Variants in MAST4 observed in about 807,000 individuals in gnomAD.
The protein encoded by MAST4 is microtubule associated serine/threonine kinase family member 4, also known as microtubule-associated serine/threonine-protein kinase 4.
MAST4 carries 89 observed loss-of-function variants against 162.7 expected under a neutral mutation model. That is an observed-to-expected ratio of 0.55 (90% CI 0.46 to 0.65). The LOEUF is 0.65. MAST4 is among the 30% of genes least tolerant of loss of function. The pLI is 0.00. For missense variants in MAST4, 3,153 were observed against 3,374.0 expected (o/e 0.93, Z 1.62); for synonymous variants, 1,479 against 1,361.1 (o/e 1.09, Z -1.91).
chr5:66,630,598 A>G (rs1242883390), intron 1 of MAST4, among the ~76,000 whole-genome samples: 2 of 152,172 alleles, frequency 1.3e-5, no homozygotes, highest in Non-Finnish European at 1.5e-5. Flanking sequence ...TTCACATATT[A>G]TATATATTAT....
At chr5:66,728,113 C>T (rs1181743856) in intron 1 of MAST4, among the ~76,000 whole-genome samples, 1 of 152,118 alleles carries the variant, frequency 6.6e-6, no homozygotes, top group Non-Finnish European at 1.5e-5. Flanking sequence ...GTCTGAGGCA[C>T]AGGAAACATT....
Position 66,666,723 on chromosome 5 carries a change from G to A in MAST4, c.363+69705G>A, listed in dbSNP as rs368464272. Among the ~76,000 whole-genome samples the A allele has an allele frequency of 2.0e-5, 3 of 152,282 alleles. No homozygotes were observed. The East Asian group carries it at 5.8e-4, about 29-fold the overall frequency. ...TGATACTGAAGCCCCTATAATTCAT[G>A]CAGCTGTGACTTTATCGTTTTAAAT... On this transcript the variant is annotated intron_variant, in intron 1 of 28. Coordinates refer to ENST00000403625, the MANE Select transcript of MAST4 (RefSeq NM_001164664.2).
rs1042928873 is a variant in MAST4, at chr5:67,163,050, T to TCA, written c.3968-96_3968-95insAC. On this transcript the variant is annotated intron_variant, in intron 28 of 28. Transcript: ENST00000403625. This position sits in a 1 kb window ranked among gnomAD's most constrained non-coding sequence, Gnocchi z 7.0. ...GCTAAATGCTGAGACAATTTGCTGA[T>TCA]CTTACCTGGCCTTACCTAATACAGT... 7 of 1,366,254 alleles carry TCA rather than the reference T, an allele frequency of 5.1e-6. No individual in the cohort carries two copies. In the Admixed American group the frequency reaches 6.7e-5, roughly 13 times the overall value. 84.6% of individuals were successfully genotyped at this position (1,366,254 alleles called of 1,614,324 possible).
intron 4 of MAST4, among the ~76,000 whole-genome samples, chr5:67,038,209 C>T (rs895900840): frequency 6.7e-6 from 1 of 149,652 alleles, no homozygotes; most frequent in Non-Finnish European, 1.5e-5. Flanking sequence ...ATTTTATATG[C>T]TGCTTTATCT....
intron 4 of MAST4, among the ~76,000 whole-genome samples, chr5:67,032,011 T>G (rs1235094654): frequency 6.6e-6 from 1 of 152,156 alleles, no homozygotes; most frequent in Non-Finnish European, 1.5e-5. Flanking sequence ...GTTGAAGGGG[T>G]GCTTATTTGT....
intron 4 of MAST4, among the ~76,000 whole-genome samples, chr5:66,905,326 AAATG>A (rs1250784648): frequency 1.8e-4 from 24 of 137,068 alleles, no homozygotes; most frequent in African/African-American, 4.9e-4. Context: ...AAAAAAAAAA[AAATG>A]GGATATCCAG....
At chr5:67,078,889 TATATTTATATATTTTTATATAA>T (rs1762118439) in intron 5 of MAST4, among the ~76,000 whole-genome samples, 1 of 92,098 alleles carries the variant, frequency 1.1e-5, no homozygotes, top group African/African-American at 4.7e-5. Context: ...AATATATTTA[TATATTTATATATTTTTATATAA>T]ATATATATAT....
chr5:66,669,418 C>T (rs973631321), intron 1 of MAST4, among the ~76,000 whole-genome samples: 2 of 152,218 alleles, frequency 1.3e-5, no homozygotes, highest in Non-Finnish European at 2.9e-5. Context: ...TGCAACACTG[C>T]ATGGGTAAAA....
chr5:67,089,265 G>A (rs902499532), intron 5 of MAST4, among the ~76,000 whole-genome samples: 4 of 152,184 alleles, frequency 2.6e-5, no homozygotes, highest in Non-Finnish European at 5.9e-5. Flanking sequence ...GCAGAGGGAA[G>A]CAGGGTGGTC....
At chr5:66,960,885 C>T (rs188221003) in intron 4 of MAST4, among the ~76,000 whole-genome samples, 1 of 152,106 alleles carries the variant, frequency 6.6e-6, no homozygotes, top group Non-Finnish European at 1.5e-5. Flanking sequence ...ACCTTGCCAG[C>T]GTCGACACAG....
At position 66,733,614 on chromosome 5, in the gene MAST4, C is replaced by T. The variant is rs532210033; in HGVS notation, c.364-26095C>T. On this transcript the variant is annotated intron_variant, in intron 1 of 28. Transcript: ENST00000403625. ...TGGGGATTACAGGCGCCCGCCACCACGCCCAGATAAGTTTTTGTATTTTTA... is the reference window on the plus strand; with the variant it reads ...TGGGGATTACAGGCGCCCGCCACCATGCCCAGATAAGTTTTTGTATTTTTA... 3.9e-5 allele frequency among the ~76,000 whole-genome samples: 6 copies of T among 152,182 alleles called. No individual in the cohort carries two copies. In the East Asian group the frequency reaches 7.8e-4, roughly 20 times the overall value.
chr5:66,667,387 G>A (rs1747329292), intron 1 of MAST4, among the ~76,000 whole-genome samples: 1 of 152,088 alleles, frequency 6.6e-6, no homozygotes, highest in Middle Eastern at 3.2e-3. Context: ...GTAACTGTTG[G>A]TATCTTGTTC....
At chr5:66,948,520 C>T (rs557717376) in intron 4 of MAST4, among the ~76,000 whole-genome samples, 130 of 152,158 alleles carry the variant, frequency 8.5e-4, no homozygotes, top group African/African-American at 3.0e-3. Context: ...CAGCAAAGTC[C>T]CTCAGCCTGT....
At chr5:67,151,807 G>A (rs1290137481) in intron 24 of MAST4, among the ~76,000 whole-genome samples, 16 of 125,602 alleles carry the variant, frequency 1.3e-4, no homozygotes, top group South Asian at 4.8e-4. Context: ...TTGCTCTGTC[G>A]CCTAGGCTGG....
At chr5:67,078,739 A>AATATATATTATATTTATCTAAAT (rs1762022243) in intron 5 of MAST4, among the ~76,000 whole-genome samples, 1 of 116,900 alleles carries the variant, frequency 8.6e-6, no homozygotes, top group African/African-American at 3.7e-5. Context: ...TATTTATCTA[A>AATATATATTATATTTATCTAAAT]ATATATATTT....
chr5:66,721,023 C>T (rs1751170454), intron 1 of MAST4, among the ~76,000 whole-genome samples: 1 of 152,130 alleles, frequency 6.6e-6, no homozygotes, highest in Admixed American at 6.5e-5. Context: ...AGAGCCAGTC[C>T]TTTCCTGTTC....
intron 5 of MAST4, among the ~76,000 whole-genome samples, chr5:67,072,714 C>T (rs998739912): frequency 6.6e-6 from 1 of 152,158 alleles, no homozygotes; most frequent in Non-Finnish European, 1.5e-5. Flanking sequence ...ATATTACCAA[C>T]TATGACAAGT....
chr5:66,915,269 A>G (rs929364619), intron 4 of MAST4, among the ~76,000 whole-genome samples: 6 of 146,450 alleles, frequency 4.1e-5, no homozygotes, highest in African/African-American at 7.9e-5. Flanking sequence ...CTTGTCTCAA[A>G]AAAAAAAAAA....
In MAST4 at chr5:67,130,235, G is replaced by A; in HGVS notation, c.1771G>A (p.Glu591Lys). Residue 591 changes from glutamate to lysine, a missense_variant, in exon 15 of 29, where the codon GAA (glutamate) becomes AAA (lysine). This residue lies in a region of MAST4 where 360 missense variants were observed against 450.0 expected (regional missense o/e 0.80). Coordinates refer to ENST00000403625, the MANE Select transcript of MAST4 (RefSeq NM_001164664.2). The part of the protein sequence containing the change: ...YGAVYFVRHK[E>K]SRQRFAMKKI... ...GGCAGTCTACTTTGTTCGGCATAAA[G>A]AATCCCGGCAGAGGTTTGCCATGAA... 1 of 1,613,250 alleles carries A rather than the reference G, an allele frequency of 6.2e-7. No individual in the cohort carries two copies. The highest frequency in any genetic ancestry group is 8.5e-7 in the Non-Finnish European group (1 of 1,179,534).
Sources: gnomAD v4.1 joint callset for allele counts (sites outside exome capture counted in the v4.1 genomes callset) on GRCh38, gnomAD v4.1.1 for gene constraint, gnomAD v4.1.1 regional missense constraint, Gnocchi (gnomAD v3.1) non-coding constraint, MANE v1.5 for transcripts, NCBI Gene and HGNC (gene_info 2026-07-23, HGNC 2026-07-21) for gene names.